COG6: variants seen among roughly 807,000 people sequenced by gnomAD.
The protein encoded by COG6 is component of oligomeric golgi complex 6.
COG6 carries 74 observed loss-of-function variants against 88.8 expected under a neutral mutation model. That is an observed-to-expected ratio of 0.83 (90% CI 0.69 to 1.01). The LOEUF (loss-of-function observed/expected upper bound fraction) is 1.01, where lower values mean the gene tolerates loss of function less well. Among genes scored for constraint, COG6 ranks in the 50% least tolerant of loss-of-function variants. The pLI is 0.00. For synonymous variants in COG6, 286 were observed against 278.7 expected (o/e 1.03, Z -0.26); for missense variants, 800 against 797.9 (o/e 1.00, Z -0.03).
downstream of COG6, among the ~76,000 whole-genome samples, chr13:39,753,121 T>C (rs1173552517): frequency 1.3e-5 from 2 of 152,196 alleles, no homozygotes; most frequent in Non-Finnish European, 2.9e-5. Flanking sequence ...TTTCCCCAAA[T>C]TCATGTTGAA....
intron 18 of COG6, among the ~76,000 whole-genome samples, chr13:39,767,940 C>G (rs1881214472): frequency 6.6e-6 from 1 of 152,194 alleles, no homozygotes; most frequent in African/African-American, 2.4e-5. Flanking sequence ...GACTTGGTTA[C>G]ATTTAGTCAG....
chr13:39,733,433 C>T (rs1879565451), intron 18 of COG6, among the ~76,000 whole-genome samples: 1 of 151,968 alleles, frequency 6.6e-6, no homozygotes, highest in South Asian at 2.1e-4. Flanking sequence ...TTGTGATCTG[C>T]CCACCTCGTC....
At chr13:39,691,541 G>A (rs762410292) in intron 11 of COG6, among the ~76,000 whole-genome samples, 10 of 151,878 alleles carry the variant, frequency 6.6e-5, no homozygotes, top group Non-Finnish European at 1.5e-4. Flanking sequence ...ATGATAATAT[G>A]TATTGCATCC....
At position 39,674,925 on chromosome 13, in the gene COG6, G is replaced by C. The variant is rs1015676707; in HGVS notation, c.429-2543G>C. Among the ~76,000 whole-genome samples the C allele has an allele frequency of 5.3e-5, 8 of 152,136 alleles. No individual in the cohort carries two copies. The East Asian group carries it at 5.8e-4, about 11-fold the overall frequency. On this transcript the variant is annotated intron_variant, in intron 4 of 18. Transcript: ENST00000455146. The stretch of plus-strand genomic sequence containing the variant: ...TTGGACTATATCCCCCGAGGATAAG[G>C]GGGGACCATTGTAATTACTTCTTAA...
chr13:39,704,364 C>T (rs1877765707), intron 13 of COG6, among the ~76,000 whole-genome samples: 1 of 152,098 alleles, frequency 6.6e-6, no homozygotes, highest in Non-Finnish European at 1.5e-5. Flanking sequence ...ATAACATAAG[C>T]AGTCAACTCA....
At position 39,758,520 on chromosome 13, in the gene COG6, G is replaced by A. The variant is rs1452561188; in HGVS notation, c.1827-29815G>A. Among the ~76,000 whole-genome samples, 3 of 152,290 alleles carry A rather than the reference G, an allele frequency of 2.0e-5. No individual in the cohort carries two copies. In the East Asian group the frequency reaches 5.8e-4, roughly 29 times the overall value. On this transcript the variant is annotated intron_variant, in intron 18 of 18. Transcript: ENST00000416691. ...CAGCATCATTAGTCATTAGGGAAAT[G>A]CAAGTCAGAATCACAATGAGATTCT...
intron 18 of COG6, among the ~76,000 whole-genome samples, chr13:39,762,973 T>C (rs949329747): frequency 6.6e-6 from 1 of 151,700 alleles, no homozygotes; most frequent in Middle Eastern, 3.2e-3. Flanking sequence ...TTTTGTATTC[T>C]CACATGCTGT....
chr13:39,781,759 C>T (rs1171585730), intron 18 of COG6, among the ~76,000 whole-genome samples: 8 of 152,144 alleles, frequency 5.3e-5, no homozygotes, highest in Admixed American at 2.0e-4. Context: ...CTGGCAGGGT[C>T]ACCAGTCCCA....
intron 18 of COG6, among the ~76,000 whole-genome samples, chr13:39,769,366 A>G (rs557454306): frequency 1.3e-5 from 2 of 152,312 alleles, no homozygotes; most frequent in African/African-American, 2.4e-5. Context: ...CCAGATTACC[A>G]TGTTCTGTGT....
At chr13:39,687,408 T>C (rs912577313) in intron 8 of COG6, 95 bp from the exon 9 acceptor site, 8 of 1,146,414 alleles carry the variant, frequency 7.0e-6, no homozygotes, top group Non-Finnish European at 1.1e-5. Context: ...TTAAGTGCTT[T>C]TTAAGTACTT....
At chr13:39,761,713 A>G (rs1406181622) in intron 18 of COG6, among the ~76,000 whole-genome samples, 1 of 151,910 alleles carries the variant, frequency 6.6e-6, no homozygotes, top group South Asian at 2.1e-4. Context: ...AAAATGGGCG[A>G]AAGAGCCAAA....
At chr13:39,761,389 G>A (rs1881006774) in intron 18 of COG6, among the ~76,000 whole-genome samples, 1 of 151,856 alleles carries the variant, frequency 6.6e-6, no homozygotes. Context: ...GACCCCTAAT[G>A]GATAAAAGAC....
At position 39,684,243 on chromosome 13, in the gene COG6, A is replaced by ATTTTTTTTTTTTTTTTTTTTT. The variant is rs1203671335; in HGVS notation, c.788+1984_788+2004dup. 1.9e-4 allele frequency among the ~76,000 whole-genome samples: 13 copies of ATTTTTTTTTTTTTTTTTTTTT among 67,390 alleles called. 3 individuals carry two copies. The highest frequency in any genetic ancestry group is 1.3e-3 in the South Asian group (2 of 1,560). 44.2% of individuals were successfully genotyped at this position (67,390 alleles called of 152,430 possible). ...GGGGGCAGTAATGGCAATTTGGAAG[A>ATTTTTTTTTTTTTTTTTTTTT]TTTTTTTTTTTTTTTTTTTTTTTTT... On this transcript the variant is annotated intron_variant, in intron 8 of 18. Coordinates refer to ENST00000455146, the MANE Select transcript of COG6 (RefSeq NM_020751.3).
At chr13:39,728,941 G>T (rs1317933797) in intron 18 of COG6, among the ~76,000 whole-genome samples, 3 of 152,114 alleles carry the variant, frequency 2.0e-5, no homozygotes, top group Non-Finnish European at 4.4e-5. Flanking sequence ...GGGATTACAG[G>T]TGTGAGCCAC....
At chr13:39,655,931 G>C (rs1251841427) in intron 1 of COG6, 52 bp downstream of exon 1, 1 of 1,565,434 alleles carries the variant, frequency 6.4e-7, no homozygotes, top group Non-Finnish European at 8.7e-7. Flanking sequence ...GGCTGAGCCG[G>C]GCCAGGGGCG....
chr13:39,678,363 A>T (rs1488308477), intron 5 of COG6, among the ~76,000 whole-genome samples: 5 of 152,230 alleles, frequency 3.3e-5, no homozygotes, highest in Non-Finnish European at 7.4e-5. Flanking sequence ...TCTGAGCCAT[A>T]GTACCTACCC....
chr13:39,674,639 C>T (rs142081690), intron 4 of COG6, among the ~76,000 whole-genome samples: 23 of 152,248 alleles, frequency 1.5e-4, no homozygotes, highest in African/African-American at 5.1e-4. Context: ...TGGTCAACTG[C>T]AGTCTGAAAG....
chr13:39,745,181 G>A (rs1566036974), intron 18 of COG6, among the ~76,000 whole-genome samples: 1 of 152,160 alleles, frequency 6.6e-6, no homozygotes, highest in East Asian at 1.9e-4. Flanking sequence ...ATAGGCATGG[G>A]CAAGGACTTC....
At chr13:39,728,932 G>A (rs1879288080) in intron 18 of COG6, among the ~76,000 whole-genome samples, 2 of 152,018 alleles carry the variant, frequency 1.3e-5, no homozygotes, top group Admixed American at 1.3e-4. Context: ...CAAAGTGCTG[G>A]GATTACAGGT....
Sources: allele counts gnomAD v4.1 joint callset (sites outside exome capture counted in the v4.1 genomes callset), GRCh38; gene constraint gnomAD v4.1.1; transcripts MANE v1.5; gene names NCBI Gene and HGNC (gene_info 2026-07-23, HGNC 2026-07-21).